Variants in PPARGC1B observed in about 807,000 individuals in gnomAD.
The protein encoded by PPARGC1B is peroxisome proliferator-activated receptor gamma coactivator 1-beta.
PPARGC1B carries 34 observed loss-of-function variants against 101.6 expected under a neutral mutation model. The ratio of observed to expected loss-of-function variants is 0.33; its 90% confidence interval spans 0.25 to 0.45. The LOEUF is 0.45. Among genes scored for constraint, PPARGC1B ranks in the 20% least tolerant of loss-of-function variants. PPARGC1B has a pLI of 1.00. For missense variants in PPARGC1B, 1,234 were observed against 1,317.6 expected (o/e 0.94, Z 0.98); for synonymous variants, 548 against 539.3 (o/e 1.02, Z -0.22).
chr5:149,814,745 A>G (rs1029607528), intron 1 of PPARGC1B, among the ~76,000 whole-genome samples: 2 of 152,232 alleles, frequency 1.3e-5, no homozygotes, highest in Admixed American at 1.3e-4. Flanking sequence ...CAAGCTTCCA[A>G]TGAAGCCACT....
chr5:149,741,525 C>T (rs755434556), intron 1 of PPARGC1B, among the ~76,000 whole-genome samples: 1 of 152,190 alleles, frequency 6.6e-6, no homozygotes, highest in East Asian at 1.9e-4. Flanking sequence ...GATTTGAAGC[C>T]TCAAATGTCC....
chr5:149,790,946 G>C (rs1756994344), intron 1 of PPARGC1B, among the ~76,000 whole-genome samples: 1 of 152,060 alleles, frequency 6.6e-6, no homozygotes, highest in African/African-American at 2.4e-5. Context: ...AGCTTCCCTG[G>C]GAGATTCTGC....
intron 1 of PPARGC1B, among the ~76,000 whole-genome samples, chr5:149,763,087 C>T (rs1409438647): frequency 5.3e-5 from 8 of 152,164 alleles, no homozygotes; most frequent in Admixed American, 5.2e-4. Context: ...GCCTGGCTCA[C>T]CAAGGCCCTT....
At chr5:149,842,225 G>A (rs26127) in intron 9 of PPARGC1B, 31 bp from the exon 10 acceptor site, 74 of 1,603,734 alleles carry the variant, frequency 4.6e-5, no homozygotes, top group African/African-American at 1.7e-4. Flanking sequence ...AGGCAATGAC[G>A]GAGTCTCTCT....
intron 1 of PPARGC1B, among the ~76,000 whole-genome samples, chr5:149,734,385 C>T (rs1754614517): frequency 6.9e-6 from 1 of 144,338 alleles, no homozygotes; most frequent in South Asian, 2.2e-4. Flanking sequence ...CTTGGAATTG[C>T]ACTGTTCTGT....
chr5:149,760,782 A>G (rs745580768), intron 1 of PPARGC1B, among the ~76,000 whole-genome samples: 1 of 152,160 alleles, frequency 6.6e-6, no homozygotes, highest in Non-Finnish European at 1.5e-5. Context: ...TATTTCTGGA[A>G]TTTGCCCCAA....
chr5:149,845,633 A>C (rs534401597), intron 10 of PPARGC1B, 127 bp from the exon 11 acceptor site: 1 of 959,434 alleles, frequency 1.0e-6, no homozygotes, highest in African/African-American at 1.6e-5. Context: ...CATCATCTCT[A>C]TCTAGGGGGC....
chr5:149,830,055 G>GAAAAAAAAAAAAAAA (rs71587791), intron 3 of PPARGC1B, among the ~76,000 whole-genome samples: 3 of 89,814 alleles, frequency 3.3e-5, no homozygotes, highest in Non-Finnish European at 6.2e-5. Context: ...AAAAAAAAAA[G>GAAAAAAAAAAAAAAA]AAAAAAAAAA....
intron 1 of PPARGC1B, among the ~76,000 whole-genome samples, chr5:149,786,127 C>T (rs867464460): frequency 1.3e-5 from 2 of 152,020 alleles, no homozygotes; most frequent in Admixed American, 6.6e-5. Context: ...GAGTCTTGCT[C>T]TGTTGCCCAG....
chr5:149,829,278 G>C (rs573389529), intron 3 of PPARGC1B, among the ~76,000 whole-genome samples: 23 of 152,284 alleles, frequency 1.5e-4, no homozygotes, highest in African/African-American at 5.1e-4. Flanking sequence ...TACACCAATG[G>C]AGGAATCAAG....
At chr5:149,784,125 C>T (rs963673475) in intron 1 of PPARGC1B, among the ~76,000 whole-genome samples, 1 of 151,988 alleles carries the variant, frequency 6.6e-6, no homozygotes, top group African/African-American at 2.4e-5. Context: ...AGCCCTATTT[C>T]CCTTCTTTCT....
At chr5:149,745,034 TAGGACTAAAGGCATGTGCC>T (rs1755037461) in intron 1 of PPARGC1B, among the ~76,000 whole-genome samples, 1 of 151,966 alleles carries the variant, frequency 6.6e-6, no homozygotes, top group Non-Finnish European at 1.5e-5. Context: ...CCCCAGTAGC[TAGGACTAAAGGCATGTGCC>T]ACTACACCTG....
chr5:149,770,626 T>C (rs889573121), intron 1 of PPARGC1B, among the ~76,000 whole-genome samples: 5 of 151,894 alleles, frequency 3.3e-5, no homozygotes, highest in African/African-American at 1.2e-4. Context: ...GCAGGAGGAT[T>C]GCTTGAGGCT....
chr5:149,832,608 A>C lies in PPARGC1B; in HGVS notation c.583-48A>C. 1 of 1,427,476 alleles carries C rather than the reference A, an allele frequency of 7.0e-7. No individual in the cohort carries two copies. The highest frequency in any genetic ancestry group is 2.3e-5 in the East Asian group (1 of 43,118). 88.4% of individuals were successfully genotyped at this position (1,427,476 alleles called of 1,614,324 possible). A position where few individuals can be genotyped will look rare whatever the true frequency, so the allele number is the denominator to read the frequency against. The stretch of plus-strand genomic sequence containing the variant: ...TGACCATGCGGATGAGACACATGGG[A>C]GGAGTGTTTGGGCCTCCTTCCTCAC... On this transcript the variant is annotated intron_variant, in intron 4 of 11. Transcript: ENST00000309241. The surrounding 1 kb of genome is among the most constrained non-coding windows in gnomAD (Gnocchi z 4.9).
At chr5:149,784,237 C>A (rs138772691) in intron 1 of PPARGC1B, among the ~76,000 whole-genome samples, 1 of 152,148 alleles carries the variant, frequency 6.6e-6, no homozygotes, top group East Asian at 1.9e-4. Flanking sequence ...CCAGTCCTAC[C>A]CTTGAATATA....
chr5:149,800,193 G>A (rs1426261311), intron 1 of PPARGC1B, among the ~76,000 whole-genome samples: 1 of 152,080 alleles, frequency 6.6e-6, no homozygotes, highest in African/African-American at 2.4e-5. Context: ...GATATATGAA[G>A]TGTACCTATC....
At chr5:149,836,174 C>A (rs1759064406) in intron 7 of PPARGC1B, 89 bp from the exon 8 acceptor site, 4 of 1,141,672 alleles carry the variant, frequency 3.5e-6, no homozygotes, top group Non-Finnish European at 5.0e-6. Context: ...TAGGTGTGAG[C>A]TACCAGGCTT....
chr5:149,839,987 C>A, intron 8 of PPARGC1B, 54 bp from the exon 9 acceptor site: 1 of 1,570,452 alleles, frequency 6.4e-7, no homozygotes, highest in Non-Finnish European at 8.8e-7. Flanking sequence ...TCCGCCCCCA[C>A]CCCCATGGTA....
rs532824869 is a variant in PPARGC1B, at chr5:149,837,968, TGGGGCAGGGGCA to T, written c.2618+911_2618+922del. Among the ~76,000 whole-genome samples, 1 of 151,432 alleles carries T rather than the reference TGGGGCAGGGGCA, an allele frequency of 6.6e-6. No homozygotes were observed. The highest frequency in any genetic ancestry group is 1.5e-5 in the Non-Finnish European group (1 of 67,900). On this transcript the variant is annotated intron_variant, in intron 8 of 11. Coordinates refer to ENST00000309241, the MANE Select transcript of PPARGC1B (RefSeq NM_133263.4). The surrounding 1 kb of genome is among the most constrained non-coding windows in gnomAD (Gnocchi z 4.2). Reference sequence around the variant, plus strand: ...GGGTGTCTGATCTGTAGGTCTGGGGTGGGGCAGGGGCAGGGGCAGGGGCAGGGATTGGCGTTT... The same window carrying T: ...GGGTGTCTGATCTGTAGGTCTGGGGTGGGGCAGGGGCAGGGATTGGCGTTT...
Sources: allele counts gnomAD v4.1 joint callset (sites outside exome capture counted in the v4.1 genomes callset), GRCh38; gene constraint gnomAD v4.1.1; non-coding constraint Gnocchi (gnomAD v3.1); transcripts MANE v1.5; gene names NCBI Gene and HGNC (gene_info 2026-07-23, HGNC 2026-07-21).